Variants in SEC24D observed in about 807,000 individuals in gnomAD.
SEC24D encodes the protein SEC24 homolog D, COPII component.
SEC24D carries 69 observed loss-of-function variants against 116.9 expected under a neutral mutation model. The observed-to-expected ratio is 0.59, with a 90% confidence interval of 0.49 to 0.72. The LOEUF (loss-of-function observed/expected upper bound fraction) is 0.72. Among genes scored for constraint, SEC24D ranks in the 30% least tolerant of loss-of-function variants. The pLI is 0.00. For missense variants in SEC24D, 1,131 were observed against 1,264.1 expected (o/e 0.89, Z 1.60); for synonymous variants, 405 against 442.8 (o/e 0.91, Z 1.07).
intron 6 of SEC24D, among the ~76,000 whole-genome samples, chr4:118,812,981 C>G (rs138987284): frequency 6.6e-6 from 1 of 152,174 alleles, no homozygotes; most frequent in South Asian, 2.1e-4. Flanking sequence ...AGCTTTGGAG[C>G]ACTGAAGAAG....
At chr4:118,770,157 C>A (rs185556768) in intron 8 of SEC24D, among the ~76,000 whole-genome samples, 181 of 152,232 alleles carry the variant, frequency 1.2e-3, no homozygotes, top group Non-Finnish European at 1.2e-4. Context: ...TTTTAAAACA[C>A]TCCAGGAACT....
intron 6 of SEC24D, among the ~76,000 whole-genome samples, chr4:118,809,136 G>C (rs969282282): frequency 1.3e-5 from 2 of 152,094 alleles, no homozygotes; most frequent in African/African-American, 4.8e-5. Flanking sequence ...ACCACGCCCG[G>C]CTATATTTTG....
chr4:118,733,938 C>T (rs55634130), intron 19 of SEC24D, among the ~76,000 whole-genome samples: 6,022 of 151,828 alleles, frequency 0.04, 176 homozygotes, highest in Non-Finnish European at 0.062. Context: ...TGAGATACTA[C>T]AACCTAACAC....
intron 2 of SEC24D, among the ~76,000 whole-genome samples, chr4:118,825,958 T>C (rs185629249): frequency 6.6e-6 from 1 of 152,130 alleles, no homozygotes; most frequent in East Asian, 1.9e-4. Flanking sequence ...GTTTCTTATA[T>C]TGTCATCATA....
intron 7 of SEC24D, among the ~76,000 whole-genome samples, chr4:118,801,891 A>G (rs888035860): frequency 6.6e-6 from 1 of 152,250 alleles, no homozygotes; most frequent in Non-Finnish European, 1.5e-5. Context: ...AACCACAGGA[A>G]CTAAGATTTG....
At chr4:118,803,979 A>C (rs1431654094) in intron 7 of SEC24D, among the ~76,000 whole-genome samples, 3 of 152,160 alleles carry the variant, frequency 2.0e-5, no homozygotes, top group African/African-American at 7.2e-5. Context: ...CTGGCACATA[A>C]TAGGTACTGA....
At chr4:118,731,563 C>T in intron 20 of SEC24D, 56 bp from the exon 21 acceptor site, 14 of 1,481,894 alleles carry the variant, frequency 9.4e-6, no homozygotes, top group Non-Finnish European at 1.3e-5. Context: ...TCCCTTCCCT[C>T]CTTCCTCTTT....
chr4:118,752,205 C>CACCT, intron 12 of SEC24D, 116 bp from the exon 13 acceptor site: 1 of 658,364 alleles, frequency 1.5e-6, no homozygotes, highest in East Asian at 2.8e-5. Context: ...TTGACACCAA[C>CACCT]ACCTATAGGT....
intron 8 of SEC24D, among the ~76,000 whole-genome samples, chr4:118,778,181 C>A (rs1390567562): frequency 1.3e-5 from 2 of 152,172 alleles, no homozygotes; most frequent in East Asian, 3.9e-4. Flanking sequence ...AGTCCTTGCC[C>A]ATGCCTATGT....
At chr4:118,772,234 C>T (rs1338578784) in intron 8 of SEC24D, among the ~76,000 whole-genome samples, 2 of 152,086 alleles carry the variant, frequency 1.3e-5, no homozygotes, top group African/African-American at 2.4e-5. Flanking sequence ...CAGCTAAATA[C>T]CAAAGTGTTT....
chr4:118,734,912 T>C (rs908826624), intron 19 of SEC24D, among the ~76,000 whole-genome samples: 7 of 152,226 alleles, frequency 4.6e-5, no homozygotes, highest in Admixed American at 1.3e-4. Context: ...AGGAACCAGA[T>C]AGATCGCCCC....
At chr4:118,760,303 C>G (rs1727307679) in intron 10 of SEC24D, 1 of 152,242 alleles carries the variant, frequency 6.6e-6, no homozygotes, top group South Asian at 2.1e-4. Context: ...TGAAACTGTA[C>G]CCATTAAACA....
chr4:118,728,913 C>T, intron 21 of SEC24D: 1 of 349,428 alleles, frequency 2.9e-6, no homozygotes, highest in Non-Finnish European at 5.2e-6. Flanking sequence ...TGAAATGATA[C>T]AGCACAGACG....
rs756840520 is a variant in SEC24D at position 118,732,773 on chromosome 4, G to A, written c.2636C>T (p.Ala879Val). The A allele has an allele frequency of 3.7e-6, 6 of 1,613,996 alleles. No individual in the cohort carries two copies. Among genetic ancestry groups the A allele is most frequent in the African/African-American group, 1.3e-5 (1 of 74,936 alleles). ...TGGGTAGAAGAAAAGCTGAGAGTCA[G>A]CCACACCCATGGTCATGACCAGCTG... ...QRQLVMTMGVADSQLFFYPQL... is the reference protein window; with the variant it reads ...QRQLVMTMGVVDSQLFFYPQL... Residue 879 changes from alanine (A) to valine (V), a missense_variant, in exon 20 of 23, where the codon GCT becomes GTT. Ala to Val is a moderately conservative substitution (Grantham distance 64). Coordinates refer to ENST00000280551, the MANE Select transcript of SEC24D (RefSeq NM_014822.4).
Position 118,739,282 on chromosome 4 carries a change from A to G in SEC24D, c.2244T>C (p.Ala748=). The change falls in exon 18 of 23, where the codon GCT becomes GCC. Residue 748 remains alanine, a synonymous_variant. Coordinates refer to ENST00000280551, the MANE Select transcript of SEC24D (RefSeq NM_014822.4). The part of the protein sequence containing the change: ...SEDSGALIQC[A]VLYTTISGQR... ...GACCACTGATTGTCGTGTAAAGCAC[A>G]GCACACTGTAGAAGCAACATTGAGG... 1 of 1,612,398 alleles carries G rather than the reference A, an allele frequency of 6.2e-7. No individual in the cohort carries two copies. The highest frequency in any genetic ancestry group is 8.5e-7 in the Non-Finnish European group (1 of 1,179,102).
At chr4:118,810,791 A>AAAGACT (rs1729890064) in intron 6 of SEC24D, among the ~76,000 whole-genome samples, 2 of 152,170 alleles carry the variant, frequency 1.3e-5, no homozygotes, top group African/African-American at 4.8e-5. Flanking sequence ...GGAAAGGTCC[A>AAAGACT]AAGACTAAGA....
intron 4 of SEC24D, among the ~76,000 whole-genome samples, chr4:118,817,002 T>C (rs954014738): frequency 1.3e-5 from 2 of 152,256 alleles, no homozygotes; most frequent in African/African-American, 4.8e-5. Flanking sequence ...ATCAGCATTT[T>C]TTGTCTTTTC....
intron 18 of SEC24D, 44 bp from the exon 19 acceptor site, chr4:118,738,423 C>T (rs745991915): frequency 8.0e-7 from 1 of 1,252,210 alleles, no homozygotes; most frequent in South Asian, 1.2e-5. Flanking sequence ...TTAGCTCAGA[C>T]ACTGATCTCT....
chr4:118,805,759 T>C (rs1729648419), intron 7 of SEC24D, 84 bp downstream of exon 7: 3 of 724,800 alleles, frequency 4.1e-6, no homozygotes, highest in East Asian at 2.9e-5. Flanking sequence ...ATTAAGAGCA[T>C]TATTGAAGGG....
Sources: allele counts gnomAD v4.1 joint callset (sites outside exome capture counted in the v4.1 genomes callset), GRCh38; gene constraint gnomAD v4.1.1; transcripts MANE v1.5; gene names NCBI Gene and HGNC (gene_info 2026-07-23, HGNC 2026-07-21).